Variants in TC2N observed in about 807,000 individuals in gnomAD.
TC2N encodes the protein tandem C2 domains nuclear protein.
A neutral mutation model predicts 61.9 loss-of-function variants in TC2N; 51 were observed. The observed-to-expected ratio is 0.82, with a 90% CI of 0.66 to 1.04. TC2N has a LOEUF of 1.04. TC2N is among the 50% of genes least tolerant of loss of function. The pLI is 0.00. For missense variants in TC2N, 556 were observed against 566.7 expected (o/e 0.98, Z 0.19); for synonymous variants, 204 against 192.6 (o/e 1.06, Z -0.49).
chr14:91,804,314 T>C (rs1309612211), intron 3 of TC2N, among the ~76,000 whole-genome samples: 1 of 152,234 alleles, frequency 6.6e-6, no homozygotes, highest in Non-Finnish European at 1.5e-5. Flanking sequence ...ATTTATATTC[T>C]ATGACCCAAC....
At chr14:91,866,481 T>C (rs1027386544) in intron 1 of TC2N, 4 of 152,190 alleles carry the variant, frequency 2.6e-5, no homozygotes, top group African/African-American at 9.7e-5. Context: ...ATCACAAAAC[T>C]TCAGAATTAG....
At chr14:91,802,463 T>C (rs761079591) in intron 3 of TC2N, 42 bp from the exon 4 acceptor site, 1 of 1,592,818 alleles carries the variant, frequency 6.3e-7, no homozygotes, top group Admixed American at 1.8e-5. Flanking sequence ...ATCCTTTTCT[T>C]GGAGTTATTA....
intron 1 of TC2N, among the ~76,000 whole-genome samples, chr14:91,840,239 A>G (rs966774447): frequency 6.6e-6 from 1 of 152,168 alleles, no homozygotes; most frequent in African/African-American, 2.4e-5. Context: ...ATTGTGTTAA[A>G]CCACTAATAT....
intron 8 of TC2N, among the ~76,000 whole-genome samples, chr14:91,794,304 C>T (rs1885797011): frequency 6.6e-6 from 1 of 152,158 alleles, no homozygotes; most frequent in African/African-American, 2.4e-5. Context: ...TCCAGAAGAT[C>T]TAGTTAAGAA....
In TC2N at chr14:91,787,535, G is replaced by T. The variant is rs1456209686; in HGVS notation, c.1140C>A (p.Ser380Arg). The T allele has an allele frequency of 1.2e-6, 2 of 1,611,290 alleles. No homozygotes were observed. The highest frequency in any genetic ancestry group is 1.7e-6 in the Non-Finnish European group (2 of 1,178,492). Residue 380 changes from serine to arginine, a missense_variant, in exon 10 of 12, where the codon AGC (serine) becomes AGA (arginine). Ser to Arg is a moderately radical substitution (Grantham distance 110). Coordinates refer to ENST00000435962, the MANE Select transcript of TC2N (RefSeq NM_001128596.3). ...TACTCAAAGTCAGAGGTGTTGATGA[G>T]CTTGGAAGGTACCGTGCCTCAAGAA... ...LQILEARYLP[S>R]SSTPLTLSFF... is the part of the protein sequence containing the mutation.
intron 3 of TC2N, among the ~76,000 whole-genome samples, chr14:91,810,374 G>A (rs961119679): frequency 5.9e-5 from 9 of 152,114 alleles, no homozygotes; most frequent in African/African-American, 1.9e-4. Flanking sequence ...AAGGAGGAAG[G>A]GAGGGATGAA....
intron 1 of TC2N, chr14:91,836,407 G>T (rs1888007868): frequency 6.6e-6 from 1 of 152,168 alleles, no homozygotes; most frequent in Non-Finnish European, 1.5e-5. Context: ...GTCGCCGCCT[G>T]CGGGAACTGT....
In TC2N at chr14:91,849,369, G is replaced by A. The variant is rs891010490; in HGVS notation, c.-57+17893C>T. On this transcript the variant is annotated intron_variant, in intron 1 of 11. Transcript: ENST00000435962. Reference sequence around the variant, plus strand: ...TGACACAAGACACTTTGGTGGCCACGTTTCCCAGGTAGAACAGGTCAATCC... The same window carrying A: ...TGACACAAGACACTTTGGTGGCCACATTTCCCAGGTAGAACAGGTCAATCC... 6.6e-5 allele frequency among the ~76,000 whole-genome samples: 10 copies of A among 152,176 alleles called. No individual in the cohort carries two copies. The South Asian group carries it at 8.3e-4, about 13-fold the overall frequency.
chr14:91,825,950 A>G (rs772461785), intron 1 of TC2N, among the ~76,000 whole-genome samples: 5 of 152,186 alleles, frequency 3.3e-5, no homozygotes, highest in African/African-American at 4.8e-5. Flanking sequence ...TAAATGTTCC[A>G]TGTACATTTG....
chr14:91,809,863 T>C (rs1460722707), intron 3 of TC2N, among the ~76,000 whole-genome samples: 1 of 152,002 alleles, frequency 6.6e-6, no homozygotes, highest in Non-Finnish European at 1.5e-5. Flanking sequence ...AGACAAAATC[T>C]GTAGTTTAAG....
intron 3 of TC2N, among the ~76,000 whole-genome samples, chr14:91,805,484 T>C (rs561608717): frequency 3.4e-4 from 52 of 152,248 alleles, no homozygotes; most frequent in African/African-American, 1.2e-3. Context: ...CTGGCCAACA[T>C]AGTGAAATCC....
intron 1 of TC2N, among the ~76,000 whole-genome samples, chr14:91,855,404 C>T (rs895415197): frequency 3.9e-5 from 6 of 152,314 alleles, no homozygotes; most frequent in Admixed American, 2.0e-4. Context: ...CCTTCCCTGC[C>T]TCTTCCTAGC....
rs1274861556 is a variant in TC2N at position 91,782,452 on chromosome 14, G to A, written c.*648C>T. 2 of 151,950 alleles carry A rather than the reference G, an allele frequency of 1.3e-5. No individual in the cohort carries two copies. Among genetic ancestry groups the A allele is most frequent in the African/African-American group, 4.8e-5 (2 of 41,418 alleles). 9.4% of individuals were successfully genotyped at this position (151,950 alleles called of 1,614,324 possible). A position where few individuals can be genotyped will look rare whatever the true frequency, so the allele number is the denominator to read the frequency against. ...TCCAATTAAACTTCAACCTTCTGGT[G>A]TTTTCAATTATTCCTGCCAAAATGT... On this transcript the variant is annotated 3_prime_UTR_variant, in exon 12 of 12. Transcript: ENST00000435962.
intron 1 of TC2N, among the ~76,000 whole-genome samples, chr14:91,817,317 T>C (rs1378313593): frequency 6.6e-6 from 1 of 151,938 alleles, no homozygotes; most frequent in Non-Finnish European, 1.5e-5. Flanking sequence ...TTTTAAAATG[T>C]ATGCGTTTTC....
chr14:91,850,182 T>TG (rs1555372737), intron 1 of TC2N, among the ~76,000 whole-genome samples: 2 of 147,418 alleles, frequency 1.4e-5, no homozygotes, highest in East Asian at 2.0e-4. Flanking sequence ...ATCTCTTTCC[T>TG]AAAAAAAAAA....
At chr14:91,808,286 A>AGCCTAGGAGAAATATGGTATCCATATAGC (rs1886610948) in intron 3 of TC2N, among the ~76,000 whole-genome samples, 1 of 152,218 alleles carries the variant, frequency 6.6e-6, no homozygotes, top group Non-Finnish European at 1.5e-5. Flanking sequence ...ATAGGTTTGT[A>AGCCTAGGAGAAATATGGTATCCATATAGC]GCCTAGGAGA....
At chr14:91,785,686 C>T (rs929308960) in intron 10 of TC2N, among the ~76,000 whole-genome samples, 3 of 151,928 alleles carry the variant, frequency 2.0e-5, no homozygotes, top group Middle Eastern at 3.4e-3. Flanking sequence ...AAGAGAGGTA[C>T]CAATCTTTTG....
intron 3 of TC2N, among the ~76,000 whole-genome samples, chr14:91,808,873 T>C (rs994934753): frequency 2.0e-5 from 3 of 152,140 alleles, no homozygotes; most frequent in Non-Finnish European, 4.4e-5. Flanking sequence ...GAAGAAATAC[T>C]ATGTATTCAT....
At chr14:91,794,010 C>CA (rs1459354165) in intron 8 of TC2N, among the ~76,000 whole-genome samples, 5 of 152,042 alleles carry the variant, frequency 3.3e-5, no homozygotes, top group Non-Finnish European at 5.9e-5. Flanking sequence ...AGTGAATATA[C>CA]AAATAAGAAA....
Sources: allele counts gnomAD v4.1 joint callset (sites outside exome capture counted in the v4.1 genomes callset), GRCh38; gene constraint gnomAD v4.1.1; transcripts MANE v1.5; gene names NCBI Gene and HGNC (gene_info 2026-07-23, HGNC 2026-07-21).